MAPK8IP3: variants seen among roughly 807,000 people sequenced by gnomAD.
The protein encoded by MAPK8IP3 is C-Jun-amino-terminal kinase-interacting protein 3.
A neutral mutation model predicts 157.8 loss-of-function variants in MAPK8IP3; 49 were observed. The observed-to-expected ratio is 0.31, with a 90% CI of 0.25 to 0.39. MAPK8IP3 has a LOEUF of 0.39. Among genes scored for constraint, MAPK8IP3 ranks in the 10% least tolerant of loss-of-function variants. MAPK8IP3 has a pLI of 1.00. For synonymous variants in MAPK8IP3, 897 were observed against 777.7 expected (o/e 1.15, Z -2.55); for missense variants, 1,478 against 1,889.4 (o/e 0.78, Z 4.04).
At chr16:1,746,994 G>C (rs752905511) in intron 5 of MAPK8IP3, 35 bp from the exon 6 acceptor site, 51 of 1,606,196 alleles carry the variant, frequency 3.2e-5, no homozygotes, top group Middle Eastern at 3.4e-4. Context: ...GACCTGCAGT[G>C]ACTCGCTCTC....
At chr16:1,722,119 C>A (rs1025251445) in intron 1 of MAPK8IP3, among the ~76,000 whole-genome samples, 1 of 152,172 alleles carries the variant, frequency 6.6e-6, no homozygotes, top group Non-Finnish European at 1.5e-5. Flanking sequence ...TGTGTGTGTT[C>A]TTCATATGCT....
chr16:1,736,979 T>G (rs1410849429), intron 4 of MAPK8IP3, among the ~76,000 whole-genome samples: 3 of 74,828 alleles, frequency 4.0e-5, no homozygotes, highest in Non-Finnish European at 5.1e-5. Context: ...TGACCGTCCG[T>G]GTGAGCATCC....
chr16:1,739,332 GAGTGTGAC>G (rs2040432862), intron 4 of MAPK8IP3, among the ~76,000 whole-genome samples: 1 of 139,068 alleles, frequency 7.2e-6, no homozygotes, highest in Non-Finnish European at 1.6e-5. Flanking sequence ...ATCCGTGTGA[GAGTGTGAC>G]CATCCATGTG....
intron 7 of MAPK8IP3, 121 bp downstream of exon 7, chr16:1,748,467 C>A: frequency 8.8e-7 from 1 of 1,134,268 alleles, no homozygotes; most frequent in Non-Finnish European, 1.3e-6. Context: ...CCTACCGCCT[C>A]CATCCACGAC....
At chr16:1,763,289 A>T (rs1203334597) in intron 16 of MAPK8IP3, among the ~76,000 whole-genome samples, 1 of 152,244 alleles carries the variant, frequency 6.6e-6, no homozygotes, top group Non-Finnish European at 1.5e-5. Flanking sequence ...TGGCCTCTGC[A>T]GCAAGGAGCC....
At chr16:1,745,237 A>C (rs559558714) in intron 5 of MAPK8IP3, 2 of 952,552 alleles carry the variant, frequency 2.1e-6, no homozygotes, top group African/African-American at 3.5e-5. Context: ...CCGGGGACCC[A>C]GCGTGGAGGA....
chr16:1,729,274 C>T, intron 3 of MAPK8IP3, 66 bp downstream of exon 3: 2 of 1,543,984 alleles, frequency 1.3e-6, no homozygotes, highest in African/African-American at 1.4e-5. Context: ...ACGCCTGCGA[C>T]TCTTGCGGAC....
intron 4 of MAPK8IP3, among the ~76,000 whole-genome samples, chr16:1,737,735 C>T (rs1347426521): frequency 1.7e-5 from 1 of 57,314 alleles, no homozygotes; most frequent in South Asian, 1.2e-3. Context: ...TGTGAGCATC[C>T]GTGTGAGCGT....
At position 1,768,460 on chromosome 16, in the gene MAPK8IP3, C is replaced by T. The variant is rs757059322; in HGVS notation, c.3743-17C>T. 3.8e-6 allele frequency: 6 copies of T among 1,579,974 alleles called. No individual in the cohort carries two copies. Among genetic ancestry groups the T allele is most frequent in the Admixed American group, 1.8e-5 (1 of 55,884 alleles). ...CCCCCAGGAGGCCGCTGTCCTGAAT[C>T]GCTTCTGCCATCCCAGGGAACGTGC... On this transcript the variant is annotated splice_polypyrimidine_tract_variant and intron_variant, in intron 30 of 31. Transcript: ENST00000610761.
chr16:1,721,168 C>G (rs944747355), intron 1 of MAPK8IP3, among the ~76,000 whole-genome samples: 3 of 150,770 alleles, frequency 2.0e-5, no homozygotes, highest in African/African-American at 7.3e-5. Flanking sequence ...AAAACACCAT[C>G]TCTACTAAAA....
Position 1,764,123 on chromosome 16 carries a change from C to A in MAPK8IP3, c.2034C>A (p.Pro678=). The stretch of plus-strand genomic sequence containing the variant: ...CTCCCTGCTCCCTGCAGCTGAGTCC[C>A]AACGGGGGCCAGGAGGACACGCGGA... ...SLPAKYKQLS[P]NGGQEDTRMK... The change falls in exon 18 of 32, where the codon CCC becomes CCA. Residue 678 remains proline (P), a synonymous_variant. Coordinates refer to ENST00000610761, the MANE Select transcript of MAPK8IP3 (RefSeq NM_001318852.2). The A allele has an allele frequency of 6.2e-7, 1 of 1,609,102 alleles. No homozygotes were observed.
intron 8 of MAPK8IP3, among the ~76,000 whole-genome samples, chr16:1,753,805 G>T (rs575290197): frequency 6.6e-6 from 1 of 151,998 alleles, no homozygotes; most frequent in Non-Finnish European, 1.5e-5. Context: ...ACTATAATGT[G>T]ACAGTGATTG....
chr16:1,737,693 AC>A (rs1345982063), intron 4 of MAPK8IP3, among the ~76,000 whole-genome samples: 1 of 73,754 alleles, frequency 1.4e-5, no homozygotes, highest in South Asian at 8.7e-4. Flanking sequence ...TCCGTGTGTG[AC>A]CATCCATGTG....
chr16:1,766,310 C>T lies in MAPK8IP3; in HGVS notation c.2720C>T (p.Pro907Leu). The part of the protein sequence containing the change: ...TEATEVPDPG[P>L]SEPETATLRP... Reference sequence around the variant, plus strand: ...GCCACGGAGGTGCCAGACCCTGGGCCCAGCGAGCCAGAGACAGCCACATTG... The same window carrying T: ...GCCACGGAGGTGCCAGACCCTGGGCTCAGCGAGCCAGAGACAGCCACATTG... The change falls in exon 22 of 32, where the codon CCC becomes CTC. Residue 907 changes from proline to leucine, a missense_variant. Pro to Leu is a moderately conservative substitution (Grantham distance 98). Transcript: ENST00000610761. 2 of 1,612,702 alleles carry T rather than the reference C, an allele frequency of 1.2e-6. No individual in the cohort carries two copies. The highest frequency in any genetic ancestry group is 2.2e-5 in the East Asian group (1 of 44,870).
rs1353619414 is a variant in MAPK8IP3 at position 1,724,297 on chromosome 16, C to T, written c.319-260C>T. On this transcript the variant is annotated intron_variant, in intron 1 of 31. Coordinates refer to ENST00000610761, the MANE Select transcript of MAPK8IP3 (RefSeq NM_001318852.2). This position sits in a 1 kb window ranked among gnomAD's most constrained non-coding sequence, Gnocchi z 4.1. ...CAACAGGCTCCCTTCACAGCAAATC[C>T]TCCCGGGAGAGGAGGGTGCAATCAT... is the stretch of plus-strand genomic sequence containing the variant. Among the ~76,000 whole-genome samples, 1 of 152,242 alleles carries T rather than the reference C, an allele frequency of 6.6e-6. No homozygotes were observed. The highest frequency in any genetic ancestry group is 1.5e-5 in the Non-Finnish European group (1 of 68,044).
chr16:1,765,845 C>A, intron 20 of MAPK8IP3, 115 bp from the exon 21 acceptor site: 2 of 968,008 alleles, frequency 2.1e-6, no homozygotes, highest in Non-Finnish European at 3.1e-6. Flanking sequence ...GAAGCTGGGT[C>A]TGCTGGGAAA....
In MAPK8IP3 at chr16:1,768,933, C is replaced by T; in HGVS notation, c.*109C>T. On this transcript the variant is annotated 3_prime_UTR_variant, in exon 32 of 32. Coordinates refer to ENST00000610761, the MANE Select transcript of MAPK8IP3 (RefSeq NM_001318852.2). Reference sequence around the variant, plus strand: ...CGCCGCCGCCCCTCTTCTAACCTCTCAACCTGCAGCTTTCACCTGAGTCTG... The same window carrying T: ...CGCCGCCGCCCCTCTTCTAACCTCTTAACCTGCAGCTTTCACCTGAGTCTG... The T allele has an allele frequency of 2.3e-6, 3 of 1,297,818 alleles. No homozygotes were observed. The highest frequency in any genetic ancestry group is 1.4e-5 in the South Asian group (1 of 73,502). 80.4% of individuals were successfully genotyped at this position (1,297,818 alleles called of 1,614,324 possible).
rs1187307603 is a variant in MAPK8IP3, at chr16:1,729,523, A to G, written c.547A>G (p.Lys183Glu). 6.2e-7 allele frequency: 1 copy of G among 1,612,454 alleles called. No homozygotes were observed. Among genetic ancestry groups the G allele is most frequent in the Non-Finnish European group, 8.5e-7 (1 of 1,179,508 alleles). ...CTACGTGGAGCACATTGAGAGGTCCAAGATGCAGCAGGTCGGAGGAAACAG... is the reference window on the plus strand; with the variant it reads ...CTACGTGGAGCACATTGAGAGGTCCGAGATGCAGCAGGTCGGAGGAAACAG... The part of the protein sequence containing the change: ...QTYVEHIERS[K>E]MQQVGGNSQT... Residue 183 changes from lysine (K) to glutamate (E), a missense_variant, in exon 4 of 32, where the codon AAG (lysine) becomes GAG (glutamate). Lys to Glu is a moderately conservative substitution (Grantham distance 56, BLOSUM62 1). This residue lies in a region of MAPK8IP3 where 315 missense variants were observed against 394.4 expected (regional missense o/e 0.80). Coordinates refer to ENST00000610761, the MANE Select transcript of MAPK8IP3 (RefSeq NM_001318852.2).
In MAPK8IP3 at chr16:1,768,639, C is replaced by G. The variant is rs778579031; in HGVS notation, c.3892+13C>G. 1 of 1,609,048 alleles carries G rather than the reference C, an allele frequency of 6.2e-7. No homozygotes were observed. The highest frequency in any genetic ancestry group is 1.3e-5 in the African/African-American group (1 of 74,980). ...GACTTCCGCATTGGTGAGCGGGGCC[C>G]AGGGACAGGGCTGAGGTTGGGCGCG... On this transcript the variant is annotated intron_variant, in intron 31 of 31. Coordinates refer to ENST00000610761, the MANE Select transcript of MAPK8IP3 (RefSeq NM_001318852.2).
Sources: gnomAD v4.1 joint callset for allele counts (sites outside exome capture counted in the v4.1 genomes callset) on GRCh38, gnomAD v4.1.1 for gene constraint, gnomAD v4.1.1 regional missense constraint, Gnocchi (gnomAD v3.1) non-coding constraint, MANE v1.5 for transcripts, NCBI Gene and HGNC (gene_info 2026-07-23, HGNC 2026-07-21) for gene names.